LSAMP: variants seen among roughly 807,000 people sequenced by gnomAD.
The protein encoded by LSAMP is limbic system associated membrane protein, also known as limbic system-associated membrane protein.
In LSAMP, 7 loss-of-function variants were observed where a neutral mutation model predicts 38.6. The observed-to-expected ratio is 0.18, with a 90% CI of 0.10 to 0.34. The LOEUF (loss-of-function observed/expected upper bound fraction) is 0.34, where lower values mean the gene tolerates loss of function less well. Among genes scored for constraint, LSAMP ranks in the 10% least tolerant of loss-of-function variants. The probability of loss-of-function intolerance (pLI) is 1.00; values close to 1 mark genes in which losing one functional copy is unlikely to be tolerated. For missense variants in LSAMP, 313 were observed against 420.0 expected, an observed-to-expected ratio of 0.75 and a Z score of 2.23; for synonymous variants, 154 against 166.8, an observed-to-expected ratio of 0.92 and a Z score of 0.59.
intron 3 of LSAMP, among the ~76,000 whole-genome samples, chr3:115,893,036 C>T (rs1936640339): frequency 6.6e-6 from 1 of 151,784 alleles, no homozygotes; most frequent in Non-Finnish European, 1.5e-5. Flanking sequence ...TCTCAGCAAA[C>T]TAACACAGGA....
At position 115,852,373 on chromosome 3, in the gene LSAMP, G is replaced by A. The variant is rs191679075; in HGVS notation, c.649+110C>T. The A allele has an allele frequency of 4.5e-5, 58 of 1,292,014 alleles. No individual in the cohort carries two copies. In the East Asian group the frequency reaches 1.2e-3, roughly 26 times the overall value. 80.0% of individuals were successfully genotyped at this position (1,292,014 alleles called of 1,614,324 possible). The stretch of plus-strand genomic sequence containing the variant: ...TATAAATGTGCATTCCTGGCCAGAG[G>A]AGCATCTGCTTGAAATACAATGTTC... On this transcript the variant is annotated intron_variant, in intron 4 of 6. Transcript: ENST00000490035.
chr3:116,186,169 C>G (rs1710612048), intron 1 of LSAMP, among the ~76,000 whole-genome samples: 1 of 152,014 alleles, frequency 6.6e-6, no homozygotes, highest in South Asian at 2.1e-4. Flanking sequence ...TTAGGCAGAC[C>G]ATTAAGGCAA....
intron 1 of LSAMP, among the ~76,000 whole-genome samples, chr3:116,369,386 G>T (rs975152498): frequency 6.6e-6 from 1 of 152,192 alleles, no homozygotes; most frequent in African/African-American, 2.4e-5. Context: ...CTTCCAAGGA[G>T]AGCATTGCTC....
chr3:116,015,821 A>G (rs1209519217), intron 3 of LSAMP, among the ~76,000 whole-genome samples: 1 of 152,140 alleles, frequency 6.6e-6, no homozygotes, highest in East Asian at 1.9e-4. Context: ...TATACCATGC[A>G]TATTTCTTTC....
chr3:116,270,270 T>A (rs2046953974), intron 1 of LSAMP, among the ~76,000 whole-genome samples: 1 of 152,086 alleles, frequency 6.6e-6, no homozygotes, highest in Admixed American at 6.6e-5. Context: ...GATAAAAGAC[T>A]GCTGCTGTAC....
At chr3:116,197,163 A>ACACACACACACTCTCTCTCT (rs1268040540) in intron 1 of LSAMP, among the ~76,000 whole-genome samples, 5 of 139,088 alleles carry the variant, frequency 3.6e-5, no homozygotes, top group African/African-American at 1.3e-4. Context: ...ACACACACAC[A>ACACACACACACTCTCTCTCT]CTCTCTCTCT....
intron 1 of LSAMP, among the ~76,000 whole-genome samples, chr3:116,198,536 G>A (rs1307835392): frequency 1.3e-5 from 2 of 152,194 alleles, no homozygotes; most frequent in East Asian, 1.9e-4. Flanking sequence ...GTGGGAGGCC[G>A]AGGCTGGCGG....
chr3:115,822,753 A>G (rs1041929932), intron 6 of LSAMP, among the ~76,000 whole-genome samples: 2 of 152,204 alleles, frequency 1.3e-5, no homozygotes, highest in Admixed American at 6.5e-5. Context: ...TTAGCATGTC[A>G]TCAATATTTG....
At chr3:116,002,282 TAG>T (rs1301083364) in intron 3 of LSAMP, among the ~76,000 whole-genome samples, 2 of 152,084 alleles carry the variant, frequency 1.3e-5, no homozygotes, top group Non-Finnish European at 2.9e-5. Flanking sequence ...TTCTGTTTCC[TAG>T]AGCTTGCATT....
At chr3:115,864,923 G>C (rs376358717) in intron 3 of LSAMP, among the ~76,000 whole-genome samples, 2 of 152,228 alleles carry the variant, frequency 1.3e-5, no homozygotes, top group South Asian at 4.1e-4. Flanking sequence ...GTTTATATGA[G>C]AGAAATACAT....
At chr3:115,952,864 G>A (rs1938337029) in intron 3 of LSAMP, among the ~76,000 whole-genome samples, 1 of 152,196 alleles carries the variant, frequency 6.6e-6, no homozygotes, top group South Asian at 2.1e-4. Flanking sequence ...AGTTCAAGAT[G>A]TAAGAAAAAT....
chr3:116,002,683 A>G (rs539175095), intron 3 of LSAMP, among the ~76,000 whole-genome samples: 6 of 152,136 alleles, frequency 3.9e-5, no homozygotes, highest in Non-Finnish European at 8.8e-5. Flanking sequence ...AGTACATGCA[A>G]ATGGAACCAA....
chr3:116,098,217 GC>G (rs1708266358), intron 1 of LSAMP, among the ~76,000 whole-genome samples: 1 of 152,044 alleles, frequency 6.6e-6, no homozygotes, highest in Non-Finnish European at 1.5e-5. Context: ...ATCACAAGGA[GC>G]CCGGGCGCAG....
At chr3:115,934,024 G>A (rs1435169835) in intron 3 of LSAMP, among the ~76,000 whole-genome samples, 1 of 152,114 alleles carries the variant, frequency 6.6e-6, no homozygotes, top group African/African-American at 2.4e-5. Flanking sequence ...ATAAAGAAAA[G>A]TTTTTGCTAT....
intron 1 of LSAMP, among the ~76,000 whole-genome samples, chr3:116,373,889 C>G (rs2048462719): frequency 6.6e-6 from 1 of 151,870 alleles, no homozygotes; most frequent in Non-Finnish European, 1.5e-5. Flanking sequence ...TAGTTTCTCA[C>G]ATATCAAGGC....
intron 1 of LSAMP, among the ~76,000 whole-genome samples, chr3:116,294,186 G>A (rs1351167496): frequency 6.6e-6 from 1 of 152,092 alleles, no homozygotes; most frequent in African/African-American, 2.4e-5. Context: ...ACAACTACTT[G>A]ACATTGAACA....
chr3:115,947,275 A>G (rs1291113999), intron 3 of LSAMP, among the ~76,000 whole-genome samples: 5 of 152,198 alleles, frequency 3.3e-5, no homozygotes, highest in Non-Finnish European at 7.3e-5. Flanking sequence ...TAATAATATT[A>G]TACTGAAACT....
intron 1 of LSAMP, among the ~76,000 whole-genome samples, chr3:116,248,130 T>C (rs1433405604): frequency 2.0e-5 from 3 of 152,172 alleles, no homozygotes; most frequent in East Asian, 1.9e-4. Context: ...AGCAGATAAA[T>C]GCCCTATTTC....
chr3:116,254,109 A>G (rs2046719992), intron 1 of LSAMP, among the ~76,000 whole-genome samples: 1 of 152,170 alleles, frequency 6.6e-6, no homozygotes, highest in South Asian at 2.1e-4. Context: ...TATATGTGGA[A>G]TACTCTCTAA....
Sources: allele counts gnomAD v4.1 joint callset (sites outside exome capture counted in the v4.1 genomes callset), GRCh38; gene constraint gnomAD v4.1.1; transcripts MANE v1.5; gene names NCBI Gene and HGNC (gene_info 2026-07-23, HGNC 2026-07-21).